Variants in NRXN1 observed in about 807,000 individuals in gnomAD.
The protein encoded by NRXN1 is neurexin-1.
In NRXN1, 39 loss-of-function variants were observed where a neutral mutation model predicts 150.9. The observed-to-expected ratio is 0.26, with a 90% confidence interval of 0.20 to 0.34. The LOEUF (loss-of-function observed/expected upper bound fraction) is 0.34, where lower values mean the gene tolerates loss of function less well. NRXN1 is among the 10% of genes least tolerant of loss of function. The pLI, the probability that NRXN1 is intolerant of heterozygous loss-of-function variation, is 1.00. For synonymous variants in NRXN1, 924 were observed against 757.0 expected (o/e 1.22, Z -3.62); for missense variants, 1,815 against 1,949.9 (o/e 0.93, Z 1.30).
At chr2:50,244,495 G>C (rs938764457) in intron 17 of NRXN1, among the ~76,000 whole-genome samples, 2 of 151,810 alleles carry the variant, frequency 1.3e-5, no homozygotes, top group African/African-American at 4.8e-5. Context: ...CATTATAAGG[G>C]CATTAACTAA....
At chr2:51,003,408 G>A (rs1183590950) in intron 2 of NRXN1, among the ~76,000 whole-genome samples, 1 of 151,940 alleles carries the variant, frequency 6.6e-6, no homozygotes, top group Non-Finnish European at 1.5e-5. Context: ...TCCAGGATGA[G>A]AAGAAATGAC....
chr2:50,606,163 T>C (rs1677078536), intron 8 of NRXN1, among the ~76,000 whole-genome samples: 1 of 143,552 alleles, frequency 7.0e-6, no homozygotes, highest in East Asian at 2.1e-4. Context: ...GGCAGAAGAA[T>C]GGTTGAACCC....
rs371864628 is a variant in NRXN1 at position 50,574,340 on chromosome 2, TA to T, written c.1321-21316del. Among the ~76,000 whole-genome samples, 510 of 146,354 alleles carry T rather than the reference TA, an allele frequency of 3.5e-3. 10 individuals carry two copies. Among genetic ancestry groups the T allele is most frequent in the African/African-American group, 8.4e-3 (336 of 40,214 alleles). Reference sequence around the variant, plus strand: ...AAATTGGCTGATATATTGGCTTTTGTAAAAAAAAAAAATCTGAATTGAAATT... The same window carrying T: ...AAATTGGCTGATATATTGGCTTTTGTAAAAAAAAAAATCTGAATTGAAATT... On this transcript the variant is annotated intron_variant, in intron 8 of 22. Transcript: ENST00000401669.
At chr2:50,712,296 G>A (rs935757140) in intron 5 of NRXN1, among the ~76,000 whole-genome samples, 7 of 152,020 alleles carry the variant, frequency 4.6e-5, no homozygotes, top group African/African-American at 1.4e-4. Context: ...CTGTATCTCC[G>A]TATATCAAAG....
intron 5 of NRXN1, among the ~76,000 whole-genome samples, chr2:50,624,646 T>G (rs1680678444): frequency 6.6e-6 from 1 of 151,966 alleles, no homozygotes; most frequent in African/African-American, 2.4e-5. Flanking sequence ...GGAGTAGTGA[T>G]AGAAAGTCTA....
intron 2 of NRXN1, among the ~76,000 whole-genome samples, chr2:50,972,567 C>A (rs1034026297): frequency 6.6e-6 from 1 of 151,934 alleles, no homozygotes; most frequent in African/African-American, 2.4e-5. Context: ...ATTGTAATAT[C>A]GAATTAAACA....
At chr2:50,924,177 C>T (rs958833088) in intron 3 of NRXN1, among the ~76,000 whole-genome samples, 1 of 151,668 alleles carries the variant, frequency 6.6e-6, no homozygotes, top group African/African-American at 2.4e-5. Flanking sequence ...GAAGATCTAC[C>T]TTTTAGAAAA....
chr2:50,012,177 T>A (rs954640358), intron 21 of NRXN1, among the ~76,000 whole-genome samples: 1 of 152,092 alleles, frequency 6.6e-6, no homozygotes, highest in Non-Finnish European at 1.5e-5. Context: ...TCTTTTCTCA[T>A]GGAAAACAAA....
chr2:50,988,120 G>C (rs914618194), intron 2 of NRXN1, among the ~76,000 whole-genome samples: 1 of 151,748 alleles, frequency 6.6e-6, no homozygotes, highest in Admixed American at 6.6e-5. Context: ...CTTCCATAAG[G>C]GTCAGTGATA....
intron 8 of NRXN1, among the ~76,000 whole-genome samples, chr2:50,594,799 CACCACAGCGTGTTTTT>C (rs1674876112): frequency 6.6e-6 from 1 of 152,026 alleles, no homozygotes; most frequent in Non-Finnish European, 1.5e-5. Flanking sequence ...TGCCATCTTT[CACCACAGCGTGTTTTT>C]ACCTCTTGTC....
intron 17 of NRXN1, among the ~76,000 whole-genome samples, chr2:50,322,419 T>C (rs977557279): frequency 6.6e-6 from 1 of 152,200 alleles, no homozygotes; most frequent in African/African-American, 2.4e-5. Context: ...GTGTGTAATA[T>C]ATCTGATCCC....
chr2:50,025,134 G>A (rs150732105), intron 21 of NRXN1, among the ~76,000 whole-genome samples: 2 of 152,200 alleles, frequency 1.3e-5, no homozygotes, highest in Non-Finnish European at 2.9e-5. Context: ...ATTGGGGGTC[G>A]GCAGTGAGTG....
rs183408085 is a variant in NRXN1, at chr2:50,269,720, C to T, written c.3365-32750G>A. ...AGTTTTCTCATGATATATAAATTAG[C>T]GCAATTTTGAAAATGTAAATATCAA... On this transcript the variant is annotated intron_variant, in intron 17 of 22. Coordinates refer to ENST00000401669, the MANE Select transcript of NRXN1 (RefSeq NM_001330078.2). Among the ~76,000 whole-genome samples the T allele has an allele frequency of 2.1e-3, 322 of 152,154 alleles. 1 individual carries two copies. Among genetic ancestry groups the T allele is most frequent in the Non-Finnish European group, 3.2e-3 (219 of 68,008 alleles).
Position 50,346,188 on chromosome 2 carries a change from T to C in NRXN1, c.3365-109218A>G, listed in dbSNP as rs1428397891. 6.6e-6 allele frequency among the ~76,000 whole-genome samples: 1 copy of C among 152,178 alleles called. No homozygotes were observed. The highest frequency in any genetic ancestry group is 1.5e-5 in the Non-Finnish European group (1 of 68,018). ...GGACTGCTTCGCTGTCACTGCAGTCTGGGCGCACTTTGGAGGAATGTGCGG... is the reference window on the plus strand; with the variant it reads ...GGACTGCTTCGCTGTCACTGCAGTCCGGGCGCACTTTGGAGGAATGTGCGG... On this transcript the variant is annotated intron_variant, in intron 17 of 22. Coordinates refer to ENST00000401669, the MANE Select transcript of NRXN1 (RefSeq NM_001330078.2). The surrounding 1 kb of genome is among the most constrained non-coding windows in gnomAD (Gnocchi z 5.0).
chr2:50,796,566 T>C (rs1276202697), intron 5 of NRXN1, among the ~76,000 whole-genome samples: 2 of 152,118 alleles, frequency 1.3e-5, no homozygotes, highest in East Asian at 3.9e-4. Context: ...ACTTTCTCAG[T>C]AGTTCAAAAG....
chr2:50,194,083 G>C (rs1016929652), intron 18 of NRXN1, among the ~76,000 whole-genome samples: 8 of 152,078 alleles, frequency 5.3e-5, no homozygotes, highest in Non-Finnish European at 1.0e-4. Context: ...CTTACCCTTT[G>C]GTCATCAGAT....
At chr2:50,657,188 T>G (rs957482226) in intron 5 of NRXN1, among the ~76,000 whole-genome samples, 15 of 152,004 alleles carry the variant, frequency 9.9e-5, no homozygotes, top group African/African-American at 2.7e-4. Flanking sequence ...CCTCCAGTTT[T>G]GCTTTAGCCA....
intron 15 of NRXN1, among the ~76,000 whole-genome samples, chr2:50,486,499 T>C (rs926177035): frequency 1.6e-4 from 24 of 152,200 alleles, no homozygotes; most frequent in Non-Finnish European, 3.1e-4. Flanking sequence ...GAACTACACA[T>C]GTTAAATTTT....
intron 2 of NRXN1, among the ~76,000 whole-genome samples, chr2:50,999,989 G>A (rs960951570): frequency 6.6e-6 from 1 of 151,934 alleles, no homozygotes; most frequent in Non-Finnish European, 1.5e-5. Context: ...GTTGAATTTA[G>A]AATAAAATAG....
Sources: allele counts gnomAD v4.1 joint callset (sites outside exome capture counted in the v4.1 genomes callset), GRCh38; gene constraint gnomAD v4.1.1; non-coding constraint Gnocchi (gnomAD v3.1); transcripts MANE v1.5; gene names NCBI Gene and HGNC (gene_info 2026-07-23, HGNC 2026-07-21).